Variants in KIAA1549L observed in about 807,000 individuals in gnomAD.
KIAA1549L encodes the protein UPF0606 protein KIAA1549L.
A neutral mutation model predicts 160.7 loss-of-function variants in KIAA1549L; 88 were observed. The ratio of observed to expected loss-of-function variants is 0.55; its 90% CI spans 0.46 to 0.65. The LOEUF is 0.65. Ranked by LOEUF, KIAA1549L falls within the 30% of genes least tolerant of loss-of-function variation. KIAA1549L has a pLI of 0.00. For missense variants in KIAA1549L, 2,258 were observed against 2,437.5 expected, an observed-to-expected ratio of 0.93 and a Z score of 1.55; for synonymous variants, 950 against 976.7, an observed-to-expected ratio of 0.97 and a Z score of 0.51.
intron 11 of KIAA1549L, among the ~76,000 whole-genome samples, chr11:33,589,389 G>A (rs956982422): frequency 6.6e-6 from 1 of 152,190 alleles, no homozygotes; most frequent in African/African-American, 2.4e-5. Context: ...AATACCATTT[G>A]ACCCAGCCAT....
intron 1 of KIAA1549L, among the ~76,000 whole-genome samples, chr11:33,522,642 TC>T (rs1853522669): frequency 6.6e-6 from 1 of 152,180 alleles, no homozygotes; most frequent in African/African-American, 2.4e-5. Context: ...ATGCCTGTAA[TC>T]CCAGCACTTT....
At chr11:33,381,264 A>G (rs1180671038) in intron 1 of KIAA1549L, among the ~76,000 whole-genome samples, 1 of 152,168 alleles carries the variant, frequency 6.6e-6, no homozygotes. Flanking sequence ...GGGTGATGGT[A>G]AGCTCTATGG....
intron 16 of KIAA1549L, 88 bp from the exon 17 acceptor site, chr11:33,645,598 T>C (rs1183378586): frequency 3.1e-6 from 3 of 960,512 alleles, no homozygotes. Flanking sequence ...TCCTAGCACC[T>C]GTCCAAGTGA....
chr11:33,571,713 A>G (rs1855263121), intron 9 of KIAA1549L, among the ~76,000 whole-genome samples: 1 of 152,166 alleles, frequency 6.6e-6, no homozygotes, highest in Non-Finnish European at 1.5e-5. Context: ...TCCATGACCC[A>G]AATACCTCCC....
At chr11:33,574,605 T>G (rs1855380243) in intron 9 of KIAA1549L, 97 bp from the exon 10 acceptor site, 5 of 1,189,518 alleles carry the variant, frequency 4.2e-6, no homozygotes, top group African/African-American at 3.0e-5. Flanking sequence ...CACAGAAGTC[T>G]TCAGCAGTCA....
chr11:33,615,370 C>T (rs553337919), intron 15 of KIAA1549L, among the ~76,000 whole-genome samples: 1 of 152,204 alleles, frequency 6.6e-6, no homozygotes, highest in East Asian at 1.9e-4. Flanking sequence ...TCATCATTAC[C>T]CACCCAGCAG....
At chr11:33,666,103 T>G (rs563859934) in intron 20 of KIAA1549L, among the ~76,000 whole-genome samples, 1 of 152,050 alleles carries the variant, frequency 6.6e-6, no homozygotes, top group South Asian at 2.1e-4. Context: ...CCCCTCCAAA[T>G]CCACAGGGAG....
chr11:33,445,801 A>C (rs1457418743), intron 1 of KIAA1549L, among the ~76,000 whole-genome samples: 1 of 152,134 alleles, frequency 6.6e-6, no homozygotes, highest in African/African-American at 2.4e-5. Flanking sequence ...GTCTGGCATA[A>C]ACAGGACTCA....
intron 16 of KIAA1549L, 97 bp downstream of exon 16, chr11:33,618,759 G>T: frequency 8.4e-7 from 1 of 1,188,568 alleles, no homozygotes; most frequent in Non-Finnish European, 1.1e-6. Flanking sequence ...CCACATATTT[G>T]TGGAATTTTA....
intron 9 of KIAA1549L, among the ~76,000 whole-genome samples, chr11:33,571,981 C>T (rs768041726): frequency 2.0e-5 from 3 of 151,918 alleles, no homozygotes; most frequent in South Asian, 2.1e-4. Flanking sequence ...CAAGTTTAAA[C>T]GTCAAAAAGC....
chr11:33,532,777 C>T (rs188622913), intron 1 of KIAA1549L, among the ~76,000 whole-genome samples: 5 of 152,118 alleles, frequency 3.3e-5, no homozygotes, highest in Admixed American at 2.6e-4. Context: ...TAAGTGCTGC[C>T]GTTAAGGAAA....
chr11:33,397,438 C>T (rs1287233138), intron 1 of KIAA1549L, among the ~76,000 whole-genome samples: 2 of 151,324 alleles, frequency 1.3e-5, no homozygotes, highest in African/African-American at 4.9e-5. Flanking sequence ...AGGCTGGGCG[C>T]GGTGGCTCAC....
intron 1 of KIAA1549L, among the ~76,000 whole-genome samples, chr11:33,391,023 T>C (rs567822098): frequency 1.7e-4 from 26 of 152,340 alleles, no homozygotes; most frequent in African/African-American, 5.8e-4. Flanking sequence ...GCCAGTCAAC[T>C]AGTTGCATTT....
chr11:33,542,960 A>G lies in KIAA1549L; in HGVS notation c.1397A>G (p.His466Arg), dbSNP rs1029277872. 1.2e-6 allele frequency: 2 copies of G among 1,613,926 alleles called. No homozygotes were observed. The highest frequency in any genetic ancestry group is 1.3e-5 in the African/African-American group (1 of 74,940). ...AGAGGGCCCGCCCTTTCGGCAGAACACACCTCTTCTTTGGTGCCTTCTCTG... is the reference window on the plus strand; with the variant it reads ...AGAGGGCCCGCCCTTTCGGCAGAACGCACCTCTTCTTTGGTGCCTTCTCTG... The part of the protein sequence containing the change: ...NSRGPALSAE[H>R]TSSLVPSLHI... The change falls in exon 2 of 21, where the codon CAC becomes CGC. Residue 466 changes from histidine to arginine, a missense_variant. By Grantham distance (29) the His-to-Arg change is conservative. Transcript: ENST00000658780.
chr11:33,580,074 G>A (rs1340344735), intron 10 of KIAA1549L, among the ~76,000 whole-genome samples: 8 of 152,140 alleles, frequency 5.3e-5, no homozygotes, highest in East Asian at 1.9e-4. Context: ...CAGTGCCCAC[G>A]TGACTCACCC....
intron 1 of KIAA1549L, among the ~76,000 whole-genome samples, chr11:33,417,392 T>C (rs932090290): frequency 2.6e-5 from 4 of 152,146 alleles, no homozygotes; most frequent in Non-Finnish European, 4.4e-5. Context: ...TGCACACTGG[T>C]ATTTTCTGTT....
At chr11:33,533,921 C>T (rs923089225) in intron 1 of KIAA1549L, among the ~76,000 whole-genome samples, 22 of 152,270 alleles carry the variant, frequency 1.4e-4, no homozygotes, top group African/African-American at 3.9e-4. Flanking sequence ...ATTCTTTAGA[C>T]GACTAATTCC....
intron 20 of KIAA1549L, among the ~76,000 whole-genome samples, chr11:33,663,877 T>C (rs564266166): frequency 4.1e-4 from 62 of 152,262 alleles, no homozygotes; most frequent in African/African-American, 1.5e-3. Context: ...CTGGAGAAAG[T>C]GCAAGGAAAC....
In KIAA1549L at chr11:33,559,827, A is replaced by G. The variant is rs773566329; in HGVS notation, c.3934A>G (p.Thr1312Ala). The change falls in exon 7 of 21, where the codon ACC (threonine) becomes GCC (alanine). Residue 1312 changes from threonine to alanine, a missense_variant. This residue lies in a region of KIAA1549L where 1,359 missense variants were observed against 1,546.6 expected (regional missense o/e 0.88). Coordinates refer to ENST00000658780, the MANE Select transcript of KIAA1549L (RefSeq NM_012194.3). ...CAATCAGAGCACATTCCTCAACGGCACCGTCGCCAGCAGCCTCCTCAGCCA... is the reference window on the plus strand; with the variant it reads ...CAATCAGAGCACATTCCTCAACGGCGCCGTCGCCAGCAGCCTCCTCAGCCA... ...VGNQSTFLNG[T>A]VASSLLSQLS... is the part of the protein sequence containing the mutation. 6.2e-7 allele frequency: 1 copy of G among 1,613,960 alleles called. No individual in the cohort carries two copies. The highest frequency in any genetic ancestry group is 2.2e-5 in the East Asian group (1 of 44,862).
Sources: allele counts gnomAD v4.1 joint callset (sites outside exome capture counted in the v4.1 genomes callset), GRCh38; gene constraint gnomAD v4.1.1; regional missense constraint gnomAD v4.1.1; transcripts MANE v1.5; gene names NCBI Gene and HGNC (gene_info 2026-07-23, HGNC 2026-07-21).